Variants in SH3BGRL2 observed in about 807,000 individuals in gnomAD.
SH3BGRL2 encodes the protein SH3 domain-binding glutamic acid-rich-like protein 2.
Under a neutral mutation model 14.8 loss-of-function variants are expected in SH3BGRL2, and 21 were observed. The observed-to-expected ratio is 1.42, with a 90% CI of 1.01 to 2.05. SH3BGRL2 has a LOEUF of 2.05. Ranked by LOEUF, SH3BGRL2 falls within the 30% of genes most tolerant of loss-of-function variation. The pLI is 0.00. For synonymous variants in SH3BGRL2, 50 were observed against 47.8 expected (o/e 1.05, Z -0.19); for missense variants, 147 against 130.8 (o/e 1.12, Z -0.61).
chr6:79,614,502 T>G, the SH3BGRL2 span, among the ~76,000 whole-genome samples: 2 of 151,978 alleles, frequency 1.3e-5, no homozygotes, highest in African/African-American at 4.8e-5. Context: ...CTGAGGAGGG[T>G]CTAGACTTCA....
At chr6:79,573,145 G>A in the SH3BGRL2 span, among the ~76,000 whole-genome samples, 1 of 152,068 alleles carries the variant, frequency 6.6e-6, no homozygotes, top group Non-Finnish European at 1.5e-5. Context: ...TGTATATGTT[G>A]GTCTTTACTT....
At chr6:79,638,469 G>A (rs2127723075) in intron 1 of SH3BGRL2, among the ~76,000 whole-genome samples, 1 of 152,240 alleles carries the variant, frequency 6.6e-6, no homozygotes, top group African/African-American at 2.4e-5. Flanking sequence ...ATTCTCTGTA[G>A]TGGGATTGCT....
At chr6:79,551,185 A>G in the SH3BGRL2 span, among the ~76,000 whole-genome samples, 1 of 152,228 alleles carries the variant, frequency 6.6e-6, no homozygotes, top group Non-Finnish European at 1.5e-5. Context: ...AATATTTCTA[A>G]TACCCCAATG....
the SH3BGRL2 span, among the ~76,000 whole-genome samples, chr6:79,576,336 C>T: frequency 6.6e-6 from 1 of 152,086 alleles, no homozygotes; most frequent in African/African-American, 2.4e-5. Context: ...TTCAGAAGTG[C>T]TTCAGTAATC....
chr6:79,619,560 T>C, the SH3BGRL2 span, among the ~76,000 whole-genome samples: 1 of 152,222 alleles, frequency 6.6e-6, no homozygotes, highest in African/African-American at 2.4e-5. Flanking sequence ...TGCTAAGGCT[T>C]TCCAGATGGG....
intron 1 of SH3BGRL2, among the ~76,000 whole-genome samples, chr6:79,641,150 TTGTGTGTGTGTGTGTGTG>T (rs373404859): frequency 7.8e-5 from 11 of 141,312 alleles, no homozygotes; most frequent in African/African-American, 1.3e-4. Flanking sequence ...TCTCACCCTT[TTGTGTGTGTGTGTGTGTG>T]TGTGTGTGTG....
At chr6:79,663,541 C>T (rs376294095) in intron 1 of SH3BGRL2, among the ~76,000 whole-genome samples, 4 of 152,160 alleles carry the variant, frequency 2.6e-5, no homozygotes. Flanking sequence ...CTGGAAGCGT[C>T]GTCCCAGAGG....
intron 2 of SH3BGRL2, among the ~76,000 whole-genome samples, chr6:79,690,271 T>C (rs1307009077): frequency 6.6e-6 from 1 of 152,170 alleles, no homozygotes; most frequent in Non-Finnish European, 1.5e-5. Flanking sequence ...GGATTACAGA[T>C]GTGAACCACC....
At chr6:79,627,818 T>C (rs1294283953), upstream of SH3BGRL2, among the ~76,000 whole-genome samples, 2 of 152,148 alleles carry the variant, frequency 1.3e-5, no homozygotes, top group Non-Finnish European at 2.9e-5. Context: ...TTCTGTAGAT[T>C]TAGATATATT....
the SH3BGRL2 span, among the ~76,000 whole-genome samples, chr6:79,597,270 AAGAG>A: frequency 0.019 from 2,867 of 148,968 alleles, 92 homozygotes; most frequent in African/African-American, 0.066. Flanking sequence ...AGAGGAAAGA[AAGAG>A]AGAGAGAGAA....
At chr6:79,672,456 T>C (rs552292240) in intron 1 of SH3BGRL2, among the ~76,000 whole-genome samples, 1 of 152,338 alleles carries the variant, frequency 6.6e-6, no homozygotes, top group African/African-American at 2.4e-5. Flanking sequence ...CATATAGTTC[T>C]GCTGCTTTTC....
intron 1 of SH3BGRL2, 136 bp downstream of exon 1, chr6:79,631,642 T>G: frequency 3.2e-6 from 1 of 316,736 alleles, no homozygotes; most frequent in Non-Finnish European, 5.0e-6. Flanking sequence ...AGGTGATCCA[T>G]CACACTCCGA....
At chr6:79,624,515 A>G in the SH3BGRL2 span, among the ~76,000 whole-genome samples, 1 of 151,968 alleles carries the variant, frequency 6.6e-6, no homozygotes, top group Middle Eastern at 3.2e-3. Flanking sequence ...ATCTTCCCCA[A>G]TTAGGCCATA....
Position 79,681,379 on chromosome 6 carries a change from C to A in SH3BGRL2, c.231+7580C>A, listed in dbSNP as rs1045669020. Among the ~76,000 whole-genome samples, 6 of 152,118 alleles carry A rather than the reference C, an allele frequency of 3.9e-5. No homozygotes were observed. The South Asian group carries it at 1.3e-3, about 32-fold the overall frequency. ...GATTTAGCATTGGACGAGTTGCTAACCAAATAAGATTATGTTAAAGCTTTT... is the reference window on the plus strand; with the variant it reads ...GATTTAGCATTGGACGAGTTGCTAAACAAATAAGATTATGTTAAAGCTTTT... On this transcript the variant is annotated intron_variant, in intron 2 of 3. Coordinates refer to ENST00000369838, the MANE Select transcript of SH3BGRL2 (RefSeq NM_031469.4).
the SH3BGRL2 span, among the ~76,000 whole-genome samples, chr6:79,595,027 T>C: frequency 2.9e-3 from 444 of 152,318 alleles, 2 homozygotes; most frequent in Admixed American, 5.0e-3. Flanking sequence ...GGCTCACGCC[T>C]GTAATTCCAG....
chr6:79,606,498 C>T, the SH3BGRL2 span, among the ~76,000 whole-genome samples: 1 of 152,282 alleles, frequency 6.6e-6, no homozygotes. Flanking sequence ...AACACAGGTA[C>T]CTCACAGAAA....
chr6:79,689,001 A>G (rs1770156420), intron 2 of SH3BGRL2, among the ~76,000 whole-genome samples: 1 of 151,526 alleles, frequency 6.6e-6, no homozygotes, highest in African/African-American at 2.4e-5. Flanking sequence ...ACAGAATAGA[A>G]ATAGGATTTA....
chr6:79,664,411 T>C (rs1344419268), intron 1 of SH3BGRL2, among the ~76,000 whole-genome samples: 1 of 152,232 alleles, frequency 6.6e-6, no homozygotes, highest in Non-Finnish European at 1.5e-5. Flanking sequence ...CTATGCTGAA[T>C]TATTATCTGT....
intron 1 of SH3BGRL2, among the ~76,000 whole-genome samples, chr6:79,645,455 C>T (rs1769122052): frequency 6.6e-6 from 1 of 152,144 alleles, no homozygotes; most frequent in African/African-American, 2.4e-5. Context: ...TGGCATGGAT[C>T]CACTGGAACT....
Sources: allele counts gnomAD v4.1 joint callset (sites outside exome capture counted in the v4.1 genomes callset), GRCh38; gene constraint gnomAD v4.1.1; transcripts MANE v1.5; gene names NCBI Gene and HGNC (gene_info 2026-07-23, HGNC 2026-07-21).